Variants in SORCS1 observed in about 807,000 individuals in gnomAD.
SORCS1 encodes VPS10 domain-containing receptor SorCS1.
Under a neutral mutation model 146.1 loss-of-function variants are expected in SORCS1, and 60 were observed. The ratio of observed to expected loss-of-function variants is 0.41; its 90% confidence interval spans 0.33 to 0.51. The LOEUF (loss-of-function observed/expected upper bound fraction) is 0.51, where lower values mean the gene tolerates loss of function less well. SORCS1 is among the 20% of genes least tolerant of loss of function. The probability of loss-of-function intolerance (pLI) is 0.21; values close to 1 mark genes in which losing one functional copy is unlikely to be tolerated. For missense variants in SORCS1, 1,352 were observed against 1,487.6 expected (o/e 0.91, Z 1.50); for synonymous variants, 637 against 584.0 (o/e 1.09, Z -1.31).
intron 1 of SORCS1, among the ~76,000 whole-genome samples, chr10:107,020,659 T>A (rs1456402921): frequency 6.6e-6 from 1 of 152,156 alleles, no homozygotes; most frequent in Non-Finnish European, 1.5e-5. Context: ...GGGCTGAATT[T>A]GTGTGTCCTG....
chr10:107,077,104 G>A (rs17122050), intron 1 of SORCS1, among the ~76,000 whole-genome samples: 2,151 of 151,974 alleles, frequency 0.014, 19 homozygotes, highest in South Asian at 0.027. Context: ...CATACTTTCA[G>A]ACTGTTTCTA....
At chr10:107,020,800 C>A (rs754623143) in intron 1 of SORCS1, among the ~76,000 whole-genome samples, 2 of 152,148 alleles carry the variant, frequency 1.3e-5, no homozygotes, top group African/African-American at 2.4e-5. Context: ...GAATTTTGGA[C>A]AACACAGAGC....
At chr10:106,849,388 G>A (rs896353535) in intron 2 of SORCS1, among the ~76,000 whole-genome samples, 5 of 148,074 alleles carry the variant, frequency 3.4e-5, no homozygotes, top group African/African-American at 1.2e-4. Context: ...CGGCTCCTGA[G>A]GCTTCTGCAT....
rs1198718716 is a variant in SORCS1 at position 106,576,951 on chromosome 10, A to C, written c.*469T>G. 4.0e-6 allele frequency: 1 copy of C among 250,802 alleles called. No individual in the cohort carries two copies. The highest frequency in any genetic ancestry group is 7.8e-6 in the Non-Finnish European group (1 of 127,736). 15.5% of individuals were successfully genotyped at this position (250,802 alleles called of 1,614,324 possible). ...TATATGTTATGAATTTTCTACAAAC[A>C]CGACCGATCAGAAAAAAGAGAGAGA... On this transcript the variant is annotated 3_prime_UTR_variant, in exon 26 of 26. Coordinates refer to ENST00000263054, the MANE Select transcript of SORCS1 (RefSeq NM_052918.5).
At chr10:106,969,289 TGGAA>T (rs1384270155) in intron 1 of SORCS1, among the ~76,000 whole-genome samples, 1 of 152,206 alleles carries the variant, frequency 6.6e-6, no homozygotes, top group Non-Finnish European at 1.5e-5. Flanking sequence ...AACTTAAAAT[TGGAA>T]GGGACTGGAA....
chr10:106,627,336 A>C (rs1848172972), intron 19 of SORCS1, among the ~76,000 whole-genome samples: 2 of 152,200 alleles, frequency 1.3e-5, no homozygotes, highest in South Asian at 4.1e-4. Context: ...GATGTATAAC[A>C]AATTTGTGGT....
chr10:107,148,304 T>C (rs1968500830), intron 1 of SORCS1, among the ~76,000 whole-genome samples: 1 of 152,218 alleles, frequency 6.6e-6, no homozygotes, highest in Non-Finnish European at 1.5e-5. Flanking sequence ...TATTTTAGGT[T>C]TGTGAGCTAT....
intron 2 of SORCS1, among the ~76,000 whole-genome samples, chr10:106,833,756 C>A (rs1307332352): frequency 6.6e-6 from 1 of 151,942 alleles, no homozygotes; most frequent in African/African-American, 2.4e-5. Context: ...GTTGGCACTG[C>A]ATCATGGAAG....
At chr10:106,745,511 T>C (rs1221166253) in intron 5 of SORCS1, among the ~76,000 whole-genome samples, 1 of 152,178 alleles carries the variant, frequency 6.6e-6, no homozygotes, top group Non-Finnish European at 1.5e-5. Flanking sequence ...ACAGTAATAA[T>C]TGCTGTAGGC....
At chr10:106,874,650 A>G (rs1240890327) in intron 2 of SORCS1, among the ~76,000 whole-genome samples, 1 of 151,702 alleles carries the variant, frequency 6.6e-6, no homozygotes, top group Non-Finnish European at 1.5e-5. Context: ...AACCTCTCCT[A>G]GCAGATGACA....
intron 14 of SORCS1, among the ~76,000 whole-genome samples, chr10:106,673,482 A>G (rs927137393): frequency 6.6e-6 from 1 of 152,180 alleles, no homozygotes; most frequent in African/African-American, 2.4e-5. Context: ...ATGAGATTCA[A>G]TGAGTTTTGT....
intron 17 of SORCS1, among the ~76,000 whole-genome samples, chr10:106,665,460 C>T (rs143475902): frequency 4.0e-5 from 6 of 150,892 alleles, no homozygotes; most frequent in Non-Finnish European, 7.4e-5. Context: ...TGGACCCAAA[C>T]GATCCTTCCA....
chr10:106,645,279 C>T (rs1448497242), intron 18 of SORCS1, among the ~76,000 whole-genome samples: 3 of 151,878 alleles, frequency 2.0e-5, no homozygotes, highest in African/African-American at 7.3e-5. Context: ...GGCGATTCTC[C>T]TGCCTCAGCT....
At chr10:107,149,734 T>C (rs79530062) in intron 1 of SORCS1, among the ~76,000 whole-genome samples, 2,057 of 152,322 alleles carry the variant, frequency 0.014, 44 homozygotes, top group African/African-American at 0.047. Context: ...CATTCTAAGA[T>C]GTGGAATCTA....
At chr10:107,055,589 A>C (rs1236820388) in intron 1 of SORCS1, among the ~76,000 whole-genome samples, 1 of 152,252 alleles carries the variant, frequency 6.6e-6, no homozygotes, top group African/African-American at 2.4e-5. Context: ...GGATTTGAGC[A>C]GGTGATAGAA....
At chr10:107,164,963 C>T (rs540901434), upstream of SORCS1, among the ~76,000 whole-genome samples, 32 of 150,542 alleles carry the variant, frequency 2.1e-4, no homozygotes, top group South Asian at 2.1e-3. This position sits in a 1 kb window ranked among gnomAD's most constrained non-coding sequence, Gnocchi z 6.8. Flanking sequence ...TCTGCGCCCC[C>T]GCGGCCGCGG....
chr10:106,627,159 A>T (rs1346427021), intron 19 of SORCS1, among the ~76,000 whole-genome samples: 1 of 152,170 alleles, frequency 6.6e-6, no homozygotes. Flanking sequence ...GCAGGGGAGC[A>T]GTAGACACCT....
At chr10:107,106,805 G>A (rs1365338442) in intron 1 of SORCS1, among the ~76,000 whole-genome samples, 1 of 152,078 alleles carries the variant, frequency 6.6e-6, no homozygotes, top group African/African-American at 2.4e-5. Flanking sequence ...GGTCTTGGGG[G>A]CAGAACCTTC....
At chr10:106,895,573 C>T (rs1394543548) in intron 2 of SORCS1, among the ~76,000 whole-genome samples, 4 of 152,040 alleles carry the variant, frequency 2.6e-5, no homozygotes, top group Admixed American at 6.6e-5. Flanking sequence ...ATTGTGCTAC[C>T]GCACTCCAGC....
Sources: allele counts gnomAD v4.1 joint callset (sites outside exome capture counted in the v4.1 genomes callset), GRCh38; gene constraint gnomAD v4.1.1; non-coding constraint Gnocchi (gnomAD v3.1); transcripts MANE v1.5; gene names NCBI Gene and HGNC (gene_info 2026-07-23, HGNC 2026-07-21).